Variants in NELL1 observed in about 807,000 individuals in gnomAD.
NELL1 encodes neural EGFL like 1.
A neutral mutation model predicts 107.4 loss-of-function variants in NELL1; 76 were observed. That is an observed-to-expected ratio of 0.71 (90% CI 0.59 to 0.86). The LOEUF (loss-of-function observed/expected upper bound fraction) is 0.86, where lower values mean the gene tolerates loss of function less well. Among genes scored for constraint, NELL1 ranks in the 40% least tolerant of loss-of-function variants. The pLI is 0.00. For synonymous variants in NELL1, 353 were observed against 341.2 expected (o/e 1.03, Z -0.38); for missense variants, 1,024 against 1,005.5 (o/e 1.02, Z -0.25).
At chr11:21,428,155 G>C (rs73459543) in intron 15 of NELL1, among the ~76,000 whole-genome samples, 4,425 of 152,206 alleles carry the variant, frequency 0.029, 202 homozygotes, top group African/African-American at 0.1. Flanking sequence ...AGATTTTCTA[G>C]TTGAAACTTA....
chr11:20,679,465 G>C (rs968817623), intron 2 of NELL1, among the ~76,000 whole-genome samples: 3 of 152,160 alleles, frequency 2.0e-5, no homozygotes, highest in African/African-American at 7.2e-5. Context: ...CTTAAGACTT[G>C]TTAGTGATAT....
chr11:21,062,909 C>A (rs866762624), intron 12 of NELL1, among the ~76,000 whole-genome samples: 69 of 152,208 alleles, frequency 4.5e-4, no homozygotes, highest in African/African-American at 1.6e-3. Context: ...CTCACTGCAA[C>A]CTCTGCCTCC....
intron 13 of NELL1, among the ~76,000 whole-genome samples, chr11:21,145,761 G>A (rs111478753): frequency 1.9e-4 from 29 of 152,288 alleles, no homozygotes; most frequent in African/African-American, 6.5e-4. Context: ...GTCCTCAGAA[G>A]CAAAGTCAGT....
chr11:20,934,752 G>A (rs1042379558), intron 9 of NELL1, among the ~76,000 whole-genome samples: 5 of 152,194 alleles, frequency 3.3e-5, no homozygotes, highest in African/African-American at 1.2e-4. Flanking sequence ...GGGAGTGTGG[G>A]AATTTATTAG....
intron 14 of NELL1, among the ~76,000 whole-genome samples, chr11:21,287,338 T>C (rs565810134): frequency 3.3e-5 from 5 of 152,322 alleles, no homozygotes; most frequent in African/African-American, 1.2e-4. Flanking sequence ...TGCCTGTAGT[T>C]TAGCCCTGTT....
chr11:20,938,219 C>T (rs138260143), intron 10 of NELL1, among the ~76,000 whole-genome samples: 167 of 152,288 alleles, frequency 1.1e-3, no homozygotes, highest in African/African-American at 3.9e-3. Context: ...ACTAACTCTA[C>T]TCCCAGAGGG....
At chr11:21,350,002 C>T (rs1309592225) in intron 14 of NELL1, among the ~76,000 whole-genome samples, 1 of 152,018 alleles carries the variant, frequency 6.6e-6, no homozygotes, top group African/African-American at 2.4e-5. Context: ...CCAACATAGC[C>T]AATAATTTTT....
intron 14 of NELL1, among the ~76,000 whole-genome samples, chr11:21,232,159 A>AAAAAAAATATATATAT (rs1554985116): frequency 4.1e-5 from 3 of 73,206 alleles, no homozygotes; most frequent in African/African-American, 1.5e-4. Flanking sequence ...AAAAAAAAAA[A>AAAAAAAATATATATAT]ATATATATAT....
At chr11:21,263,957 A>T (rs888845747) in intron 14 of NELL1, among the ~76,000 whole-genome samples, 1 of 151,974 alleles carries the variant, frequency 6.6e-6, no homozygotes, top group Non-Finnish European at 1.5e-5. Flanking sequence ...GAAGGAGCAG[A>T]TGAAATTATG....
intron 1 of NELL1, among the ~76,000 whole-genome samples, chr11:20,674,069 T>G (rs1383870786): frequency 6.6e-6 from 1 of 152,226 alleles, no homozygotes; most frequent in Non-Finnish European, 1.5e-5. Flanking sequence ...TGGCTCTGTT[T>G]TTATGAGGTG....
chr11:21,533,099 A>C (rs1856034749), intron 15 of NELL1, among the ~76,000 whole-genome samples: 2 of 152,190 alleles, frequency 1.3e-5, no homozygotes, highest in African/African-American at 4.8e-5. Flanking sequence ...GAAAAGATTT[A>C]ATGGGCTGAA....
chr11:21,448,056 G>A (rs577130708), intron 15 of NELL1, among the ~76,000 whole-genome samples: 25 of 152,250 alleles, frequency 1.6e-4, no homozygotes, highest in South Asian at 1.0e-3. Context: ...TCTGAACCAC[G>A]TAGCCACTGC....
chr11:20,724,208 T>C (rs769103321), intron 2 of NELL1, among the ~76,000 whole-genome samples: 4 of 152,262 alleles, frequency 2.6e-5, no homozygotes, highest in Admixed American at 6.5e-5. Context: ...TCCCATTATC[T>C]TGGCAGTTAA....
At chr11:21,276,796 G>A (rs995088534) in intron 14 of NELL1, among the ~76,000 whole-genome samples, 27 of 152,328 alleles carry the variant, frequency 1.8e-4, no homozygotes, top group South Asian at 4.1e-4. Context: ...AAGCAATGGG[G>A]AAAGGATTCC....
chr11:21,311,113 G>C (rs1422659667), intron 14 of NELL1, among the ~76,000 whole-genome samples: 1 of 152,098 alleles, frequency 6.6e-6, no homozygotes, highest in Non-Finnish European at 1.5e-5. Flanking sequence ...GCTTATTGAT[G>C]CTGTCAGGAA....
At position 20,922,532 on chromosome 11, in the gene NELL1, G is replaced by A. The variant is rs7941637; in HGVS notation, c.759+3198G>A. Among the ~76,000 whole-genome samples, 1,000 of 151,970 alleles carry A rather than the reference G, an allele frequency of 6.6e-3. 9 individuals are homozygous for A. Among genetic ancestry groups the A allele is most frequent in the African/African-American group, 0.023 (943 of 41,452 alleles). ...GCAAACTTGAAGTTGAATATGGTTC[G>A]CAGATGCAAAAAGAATTCTATGGCA... On this transcript the variant is annotated intron_variant, in intron 7 of 19. Transcript: ENST00000357134.
At chr11:20,983,428 C>G (rs1018165797) in intron 12 of NELL1, among the ~76,000 whole-genome samples, 2 of 152,140 alleles carry the variant, frequency 1.3e-5, no homozygotes, top group African/African-American at 4.8e-5. Flanking sequence ...CCAGCTCAGA[C>G]CACTTGTCTA....
intron 15 of NELL1, among the ~76,000 whole-genome samples, chr11:21,418,019 G>C (rs761881849): frequency 2.6e-5 from 4 of 151,990 alleles, no homozygotes. Flanking sequence ...CTGGCTAAAT[G>C]AATCCTCAAA....
intron 12 of NELL1, among the ~76,000 whole-genome samples, chr11:21,003,197 G>A (rs1187074209): frequency 3.9e-5 from 6 of 152,102 alleles, no homozygotes; most frequent in Non-Finnish European, 7.4e-5. Context: ...AGGATGCTCA[G>A]TCTTTAGCTT....
Sources: gnomAD v4.1 joint callset for allele counts (sites outside exome capture counted in the v4.1 genomes callset) on GRCh38, gnomAD v4.1.1 for gene constraint, MANE v1.5 for transcripts, NCBI Gene and HGNC (gene_info 2026-07-23, HGNC 2026-07-21) for gene names.